The following DLG2 variants were observed in gnomAD, a reference collection of about 807,000 sequenced individuals.
The protein encoded by DLG2 is discs large MAGUK scaffold protein 2.
Under a neutral mutation model 132.5 loss-of-function variants are expected in DLG2, and 45 were observed. The ratio of observed to expected loss-of-function variants is 0.34; its 90% CI spans 0.27 to 0.44. DLG2 has a LOEUF of 0.44. DLG2 is among the 20% of genes least tolerant of loss of function. DLG2 has a pLI of 1.00. For missense variants in DLG2, 1,045 were observed against 1,196.9 expected (o/e 0.87, Z 1.87); for synonymous variants, 424 against 419.6 (o/e 1.01, Z -0.13).
At chr11:84,003,822 A>AT (rs1259414495) in intron 11 of DLG2, among the ~76,000 whole-genome samples, 4 of 152,146 alleles carry the variant, frequency 2.6e-5, no homozygotes, top group Non-Finnish European at 5.9e-5. Context: ...CAACTATGTG[A>AT]TAAAAAACTG....
At chr11:83,710,668 A>C (rs2085198741) in intron 18 of DLG2, among the ~76,000 whole-genome samples, 1 of 152,152 alleles carries the variant, frequency 6.6e-6, no homozygotes, top group Admixed American at 6.6e-5. Flanking sequence ...CCAAAGCTTG[A>C]AACTGGTACA....
intron 6 of DLG2, among the ~76,000 whole-genome samples, chr11:84,919,620 C>G (rs1432579563): frequency 1.3e-5 from 2 of 151,998 alleles, no homozygotes; most frequent in East Asian, 3.9e-4. Flanking sequence ...CTAATACTTG[C>G]AATTCATATT....
At chr11:83,614,129 C>A (rs2060473914) in intron 19 of DLG2, among the ~76,000 whole-genome samples, 1 of 152,140 alleles carries the variant, frequency 6.6e-6, no homozygotes, top group Non-Finnish European at 1.5e-5. Flanking sequence ...ATGTGAGTTC[C>A]AAATTCAGTG....
chr11:83,694,466 G>T (rs1366955925), intron 18 of DLG2, among the ~76,000 whole-genome samples: 1 of 152,166 alleles, frequency 6.6e-6, no homozygotes, highest in Non-Finnish European at 1.5e-5. Context: ...TTGAATATCA[G>T]ATCATTGCAG....
At chr11:83,696,267 T>A (rs577425393) in intron 18 of DLG2, among the ~76,000 whole-genome samples, 1 of 152,156 alleles carries the variant, frequency 6.6e-6, no homozygotes, top group Non-Finnish European at 1.5e-5. Context: ...AAATCTGGGC[T>A]GGAGGTAATG....
intron 3 of DLG2, among the ~76,000 whole-genome samples, chr11:85,420,734 G>A (rs1278458151): frequency 2.0e-5 from 3 of 152,162 alleles, no homozygotes; most frequent in Non-Finnish European, 2.9e-5. Flanking sequence ...TACACTGTGA[G>A]GGAAAAACCA....
intron 7 of DLG2, among the ~76,000 whole-genome samples, chr11:84,299,667 A>T (rs1319388506): frequency 1.3e-5 from 2 of 152,186 alleles, no homozygotes; most frequent in Non-Finnish European, 2.9e-5. Flanking sequence ...GTCAATTGTT[A>T]TACTTGCGTT....
chr11:85,599,228 G>A (rs1338138181), intron 2 of DLG2, among the ~76,000 whole-genome samples: 1 of 151,994 alleles, frequency 6.6e-6, no homozygotes, highest in African/African-American at 2.4e-5. Context: ...CAGTGCCTAA[G>A]TCATACTGGA....
rs535459698 is a variant in DLG2, at chr11:85,444,651, G to T, written c.40+154006C>A. On this transcript the variant is annotated intron_variant, in intron 3 of 27. Coordinates refer to ENST00000376104, the MANE Select transcript of DLG2 (RefSeq NM_001142699.3). The stretch of plus-strand genomic sequence containing the variant: ...GACAAGAGCTATGCCCATCTCTTCT[G>T]GCTGCCAGGCCAGTAAATAAAAGAT... Among the ~76,000 whole-genome samples the T allele has an allele frequency of 5.9e-4, 90 of 152,298 alleles. 2 individuals are homozygous for T. In the South Asian group the frequency reaches 0.019, roughly 32 times the overall value.
chr11:84,049,377 T>C (rs1423611995), intron 11 of DLG2, among the ~76,000 whole-genome samples: 1 of 151,806 alleles, frequency 6.6e-6, no homozygotes, highest in Non-Finnish European at 1.5e-5. Flanking sequence ...TCCAATTTCT[T>C]GTACATACAA....
chr11:83,607,094 GT>G lies in DLG2; in HGVS notation c.1940+26116del, dbSNP rs1299892273. On this transcript the variant is annotated intron_variant, in intron 19 of 27. Transcript: ENST00000376104. ...AAGATTTACAGACAGGAAAAGGAAA[GT>G]GACATACAGAAAACAGAAGTGAGGT... is the stretch of plus-strand genomic sequence containing the variant. 7.9e-5 allele frequency among the ~76,000 whole-genome samples: 12 copies of G among 152,330 alleles called. No individual in the cohort carries two copies. The East Asian group carries it at 2.3e-3, about 29-fold the overall frequency.
chr11:85,561,352 AAAAAAAAAAAAAAAAAT>A (rs1216433132), intron 3 of DLG2, among the ~76,000 whole-genome samples: 1 of 147,460 alleles, frequency 6.8e-6, no homozygotes, highest in African/African-American at 2.5e-5. Flanking sequence ...AAAAAAAAAA[AAAAAAAAAAAAAAAAAT>A]AGCTGTGTAA....
intron 7 of DLG2, among the ~76,000 whole-genome samples, chr11:84,376,783 T>C (rs1048991552): frequency 1.3e-5 from 2 of 151,656 alleles, no homozygotes; most frequent in South Asian, 4.2e-4. Flanking sequence ...AAATTGGCAA[T>C]TAAAAAGAAT....
intron 18 of DLG2, among the ~76,000 whole-genome samples, chr11:83,762,979 G>C (rs2093976916): frequency 1.3e-5 from 2 of 152,086 alleles, no homozygotes; most frequent in Admixed American, 1.3e-4. Flanking sequence ...GTTTTGTTTT[G>C]TTATTTTCTG....
At chr11:84,385,217 A>C (rs955421719) in intron 7 of DLG2, among the ~76,000 whole-genome samples, 2 of 152,060 alleles carry the variant, frequency 1.3e-5, no homozygotes, top group African/African-American at 4.8e-5. Flanking sequence ...AAAGCAGTAA[A>C]ATTTTTTTAA....
chr11:84,267,660 A>G (rs1271369850), intron 7 of DLG2, among the ~76,000 whole-genome samples: 1 of 152,206 alleles, frequency 6.6e-6, no homozygotes. Flanking sequence ...GGGGACCCAG[A>G]AAGTCACAGT....
At chr11:84,455,016 A>T (rs547149471) in intron 7 of DLG2, among the ~76,000 whole-genome samples, 1 of 151,584 alleles carries the variant, frequency 6.6e-6, no homozygotes, top group South Asian at 2.1e-4. Flanking sequence ...TAGCATCTAA[A>T]ACTTGAAAAC....
chr11:85,280,988 C>G (rs768284995), intron 4 of DLG2, among the ~76,000 whole-genome samples: 3 of 151,974 alleles, frequency 2.0e-5, no homozygotes, highest in Non-Finnish European at 2.9e-5. Context: ...ATATCAACAA[C>G]ATATTACAGG....
chr11:84,688,837 C>T (rs1357335240), intron 6 of DLG2, among the ~76,000 whole-genome samples: 1 of 152,146 alleles, frequency 6.6e-6, no homozygotes, highest in Admixed American at 6.5e-5. Context: ...TCTCTCTCAC[C>T]TCTACCCTGT....
Sources: gnomAD v4.1 joint callset for allele counts (sites outside exome capture counted in the v4.1 genomes callset) on GRCh38, gnomAD v4.1.1 for gene constraint, MANE v1.5 for transcripts, NCBI Gene and HGNC (gene_info 2026-07-23, HGNC 2026-07-21) for gene names.